Variants in STAB2 observed in about 807,000 individuals in gnomAD.
STAB2 encodes stabilin 2, also known as stabilin-2.
In STAB2, 288 loss-of-function variants were observed where a neutral mutation model predicts 338.1. That is an observed-to-expected ratio of 0.85 (90% CI 0.77 to 0.94). The LOEUF is 0.94. Among genes scored for constraint, STAB2 ranks in the 40% least tolerant of loss-of-function variants. The probability of loss-of-function intolerance (pLI) is 0.00; values close to 1 mark genes in which losing one functional copy is unlikely to be tolerated. For missense variants in STAB2, 3,141 were observed against 3,210.1 expected (o/e 0.98, Z 0.52); for synonymous variants, 1,202 against 1,193.3 (o/e 1.01, Z -0.15).
intron 8 of STAB2, among the ~76,000 whole-genome samples, chr12:103,639,137 T>C (rs984109875): frequency 2.0e-5 from 3 of 152,236 alleles, no homozygotes; most frequent in Admixed American, 6.5e-5. Context: ...ATTAATGTTA[T>C]GCCATGAATG....
In STAB2 at chr12:103,684,738, C is replaced by G. The variant is rs533635459; in HGVS notation, c.2902-251C>G. ...TCATTTATCTGAAACTCTCATTTAA[C>G]TGTGCATCCTGTATTTTTTTATTTG... On this transcript the variant is annotated intron_variant, in intron 26 of 68. Transcript: ENST00000388887. Among the ~76,000 whole-genome samples the G allele has an allele frequency of 8.5e-5, 13 of 152,328 alleles. No individual in the cohort carries two copies. In the East Asian group the frequency reaches 2.5e-3, roughly 29 times the overall value.
intron 11 of STAB2, 30 bp downstream of exon 11, chr12:103,650,608 G>C: frequency 6.3e-7 from 1 of 1,588,346 alleles, no homozygotes; most frequent in Non-Finnish European, 8.6e-7. Flanking sequence ...CTACACCAAG[G>C]GGCTAATATG....
intron 3 of STAB2, among the ~76,000 whole-genome samples, chr12:103,604,686 A>G (rs895856232): frequency 6.6e-6 from 1 of 151,890 alleles, no homozygotes; most frequent in Admixed American, 6.6e-5. Flanking sequence ...AATGTCTACA[A>G]GATTTGTAGT....
At chr12:103,628,029 G>A (rs1185166680) in intron 5 of STAB2, among the ~76,000 whole-genome samples, 1 of 152,168 alleles carries the variant, frequency 6.6e-6, no homozygotes, top group Non-Finnish European at 1.5e-5. Context: ...TGAGCCCATA[G>A]TACACTCCCT....
At position 103,759,161 on chromosome 12, in the gene STAB2, A is replaced by C. The variant is rs752321492; in HGVS notation, c.7136A>C (p.His2379Pro). 9 of 1,613,972 alleles carry C rather than the reference A, an allele frequency of 5.6e-6. No homozygotes were observed. The highest frequency in any genetic ancestry group is 3.3e-4 in the Middle Eastern group (2 of 6,084). ...TTGTCTGGGCGGGACATCGAGCACC[A>C]CCTCGCCAATGTCAGCATGTTTTTC... Reference protein sequence around the residue: ...ETLSGRDIEHHLANVSMFFYN... With the variant: ...ETLSGRDIEHPLANVSMFFYN... Residue 2379 changes from histidine (H) to proline (P), a missense_variant, in exon 65 of 69, where the codon CAC (histidine) becomes CCC (proline). By Grantham distance (77) the His-to-Pro change is moderately conservative. Transcript: ENST00000388887.
At chr12:103,649,010 G>T (rs78616400) in intron 10 of STAB2, among the ~76,000 whole-genome samples, 187 bp downstream of exon 10, 2,097 of 152,282 alleles carry the variant, frequency 0.014, 45 homozygotes, top group African/African-American at 0.047. Flanking sequence ...AAGAGATAGT[G>T]CCAAGAGATC....
At chr12:103,666,756 C>T (rs1022082835) in intron 19 of STAB2, among the ~76,000 whole-genome samples, 1 of 152,166 alleles carries the variant, frequency 6.6e-6, no homozygotes, top group South Asian at 2.1e-4. Flanking sequence ...GTAAACAAGT[C>T]CTAATATTTG....
At chr12:103,597,599 G>A (rs1956896311) in intron 3 of STAB2, among the ~76,000 whole-genome samples, 1 of 152,106 alleles carries the variant, frequency 6.6e-6, no homozygotes, top group Admixed American at 6.6e-5. Flanking sequence ...CATAAGGAAG[G>A]TATTTCTACC....
intron 30 of STAB2, among the ~76,000 whole-genome samples, chr12:103,691,219 G>A (rs1327696767): frequency 6.6e-6 from 1 of 152,240 alleles, no homozygotes; most frequent in African/African-American, 2.4e-5. Flanking sequence ...TGCACAAGAT[G>A]AGAATGAAGA....
chr12:103,703,023 T>A, intron 34 of STAB2, 125 bp from the exon 35 acceptor site: 1 of 1,116,980 alleles, frequency 9.0e-7, no homozygotes, highest in Middle Eastern at 2.3e-4. Flanking sequence ...CAAGTGACTA[T>A]TATATCTCCA....
At chr12:103,618,856 T>C (rs568925707) in intron 3 of STAB2, among the ~76,000 whole-genome samples, 11 of 152,286 alleles carry the variant, frequency 7.2e-5, no homozygotes, top group Admixed American at 4.6e-4. Context: ...ATTGTAATAA[T>C]TCTCACGTGT....
intron 22 of STAB2, 60 bp downstream of exon 22, chr12:103,670,867 G>T: frequency 7.1e-7 from 1 of 1,405,096 alleles, no homozygotes; most frequent in South Asian, 1.2e-5. Context: ...TCGTGCTGCA[G>T]CAGGGTGCTG....
intron 22 of STAB2, among the ~76,000 whole-genome samples, chr12:103,673,393 C>G (rs985327766): frequency 7.9e-5 from 12 of 151,828 alleles, no homozygotes; most frequent in African/African-American, 2.9e-4. Flanking sequence ...GTTGACCAGG[C>G]TGGAGTACAG....
At chr12:103,662,700 A>G (rs947932538) in intron 17 of STAB2, 146 bp from the exon 18 acceptor site, 3 of 900,402 alleles carry the variant, frequency 3.3e-6, no homozygotes, top group East Asian at 2.7e-5. Context: ...CCAAACCCTT[A>G]TAATAGCAAC....
At chr12:103,646,792 T>A (rs1593178526) in intron 9 of STAB2, among the ~76,000 whole-genome samples, 1 of 152,300 alleles carries the variant, frequency 6.6e-6, no homozygotes, top group East Asian at 1.9e-4. Context: ...ATTATTATAG[T>A]TGGGATCCAT....
At chr12:103,706,696 G>A in intron 37 of STAB2, 96 bp from the exon 38 acceptor site, 1 of 1,514,474 alleles carries the variant, frequency 6.6e-7, no homozygotes. Context: ...GAAGAAACAG[G>A]TGCACAAGAA....
chr12:103,719,028 C>T (rs1390074755), intron 44 of STAB2, among the ~76,000 whole-genome samples: 1 of 152,204 alleles, frequency 6.6e-6, no homozygotes, highest in Non-Finnish European at 1.5e-5. Context: ...TGACTGCAGG[C>T]TGGACCCATG....
At chr12:103,654,785 G>A (rs1401492111) in intron 13 of STAB2, 87 bp downstream of exon 13, 7 of 1,476,378 alleles carry the variant, frequency 4.7e-6, no homozygotes, top group Non-Finnish European at 6.4e-6. Context: ...CCAGCACTCT[G>A]TGCTTGTGCT....
At chr12:103,678,409 T>C (rs1305661509) in intron 25 of STAB2, among the ~76,000 whole-genome samples, 1 of 152,230 alleles carries the variant, frequency 6.6e-6, no homozygotes, top group African/African-American at 2.4e-5. Flanking sequence ...CTCATTTCTG[T>C]GCACAAGTTA....
Sources: gnomAD v4.1 joint callset for allele counts (sites outside exome capture counted in the v4.1 genomes callset) on GRCh38, gnomAD v4.1.1 for gene constraint, MANE v1.5 for transcripts, NCBI Gene and HGNC (gene_info 2026-07-23, HGNC 2026-07-21) for gene names.